AATK: variants seen among roughly 807,000 people sequenced by gnomAD.
AATK encodes lemur tail kinase 1.
In AATK, 91 loss-of-function variants were observed where a neutral mutation model predicts 114.3. The ratio of observed to expected loss-of-function variants is 0.80; its 90% CI spans 0.67 to 0.95. The LOEUF is 0.95. Among genes scored for constraint, AATK ranks in the 40% least tolerant of loss-of-function variants. The pLI is 0.00. For missense variants in AATK, 2,176 were observed against 1,965.2 expected (o/e 1.11, Z -2.03); for synonymous variants, 1,075 against 916.5 (o/e 1.17, Z -3.12).
chr17:81,124,904 A>AC, intron 8 of AATK, 26 bp downstream of exon 8: 1 of 1,137,504 alleles, frequency 8.8e-7, no homozygotes, highest in Non-Finnish European at 1.3e-6. Context: ...CCTCATGCCC[A>AC]GCCCAGCCCA....
At chr17:81,164,578 G>T (rs1207974187) in intron 1 of AATK, among the ~76,000 whole-genome samples, 4 of 152,260 alleles carry the variant, frequency 2.6e-5, no homozygotes, top group Non-Finnish European at 4.4e-5. Flanking sequence ...GCGGGGGAAA[G>T]GGCCTCTCAT....
intron 4 of AATK, among the ~76,000 whole-genome samples, chr17:81,128,112 G>A (rs72854181): frequency 0.32 from 48,484 of 151,730 alleles, 7,866 homozygotes; most frequent in Admixed American, 0.4. Context: ...TGAGTCTTTC[G>A]TGTTACTCTC....
intron 7 of AATK, among the ~76,000 whole-genome samples, chr17:81,125,628 G>C (rs1407985370): frequency 6.6e-6 from 1 of 152,144 alleles, no homozygotes; most frequent in Admixed American, 6.5e-5. Context: ...TGCCTGGCTG[G>C]TCACGTGGGT....
At position 81,119,464 on chromosome 17, in the gene AATK, A is replaced by AGGGAGCGGGCGTGGGCGT. The variant is rs1568216398; in HGVS notation, c.3982_3999dup (p.Thr1328_Pro1333dup). 8 of 1,499,978 alleles carry AGGGAGCGGGCGTGGGCGT rather than the reference A, an allele frequency of 5.3e-6. No homozygotes were observed. The highest frequency in any genetic ancestry group is 2.6e-5 in the East Asian group (1 of 38,498). 92.9% of individuals were successfully genotyped at this position (1,499,978 alleles called of 1,614,324 possible). ...GCGGGCGACACCGTGAAGCGCGAGA[A>AGGGAGCGGGCGTGGGCGT]GGGAGCGGGCGTGGGCGTGGGCGCA... On this transcript the variant is annotated inframe_insertion, in exon 13 of 14. Coordinates refer to ENST00000326724, the MANE Select transcript of AATK (RefSeq NM_001080395.3).
At chr17:81,140,665 G>GCTGTGAGC (rs2061109869) in intron 1 of AATK, among the ~76,000 whole-genome samples, 1 of 142,356 alleles carries the variant, frequency 7.0e-6, no homozygotes, top group Admixed American at 6.9e-5. Context: ...GGACCGTGGG[G>GCTGTGAGC]CCGTGGGGAC....
intron 1 of AATK, among the ~76,000 whole-genome samples, chr17:81,135,234 G>A (rs2060992229): frequency 6.6e-6 from 1 of 152,158 alleles, no homozygotes; most frequent in African/African-American, 2.4e-5. Flanking sequence ...AGCTGAGCCC[G>A]GCTTCCAAAT....
rs756174027 is a variant in AATK, at chr17:81,121,094, C to G, written c.2842G>C (p.Glu948Gln). 1 of 1,606,136 alleles carries G rather than the reference C, an allele frequency of 6.2e-7. No individual in the cohort carries two copies. The highest frequency in any genetic ancestry group is 8.5e-7 in the Non-Finnish European group (1 of 1,176,518). Reference sequence around the variant, plus strand: ...TCCTGCGCCTCCTTGAGCACAAACTCAGGGGACTCATAGTTCTCGGTGTCA... The same window carrying G: ...TCCTGCGCCTCCTTGAGCACAAACTGAGGGGACTCATAGTTCTCGGTGTCA... ...GYDTENYESP[E>Q]FVLKEAQEGC... The change falls in exon 11 of 14, where the codon GAG becomes CAG. Residue 948 changes from glutamate to glutamine, a missense_variant. This residue lies in a region of AATK where 1,701 missense variants were observed against 1,394.7 expected (regional missense o/e 1.22). Coordinates refer to ENST00000326724, the MANE Select transcript of AATK (RefSeq NM_001080395.3).
chr17:81,161,954 G>T (rs1487973000), intron 1 of AATK, among the ~76,000 whole-genome samples: 1 of 152,188 alleles, frequency 6.6e-6, no homozygotes, highest in African/African-American at 2.4e-5. Context: ...GCAGGGGCCG[G>T]TCCTCTGGGT....
chr17:81,163,467 G>C (rs1394738066), intron 1 of AATK, among the ~76,000 whole-genome samples: 3 of 152,240 alleles, frequency 2.0e-5, no homozygotes, highest in Non-Finnish European at 4.4e-5. Flanking sequence ...CCCAGAGCAA[G>C]ATTTCACATG....
intron 2 of AATK, chr17:81,132,598 G>T: frequency 4.4e-6 from 1 of 224,984 alleles, no homozygotes; most frequent in Non-Finnish European, 9.6e-6. Context: ...CTTTGTAGAG[G>T]GGCCCAGGAC....
At chr17:81,155,605 C>T (rs1305835604) in intron 1 of AATK, among the ~76,000 whole-genome samples, 3 of 152,064 alleles carry the variant, frequency 2.0e-5, no homozygotes, top group African/African-American at 4.8e-5. Flanking sequence ...AGGCTGGTCT[C>T]GAACTCCTGA....
rs543637892 is a variant in AATK at position 81,155,584 on chromosome 17, C to T, written c.55+10354G>A. ...TATTTTTAGTACAGACAGGGTTTCA[C>T]CATCTTGGCCAGGCTGGTCTCGAAC... On this transcript the variant is annotated intron_variant, in intron 1 of 13. Coordinates refer to ENST00000326724, the MANE Select transcript of AATK (RefSeq NM_001080395.3). 3.9e-5 allele frequency among the ~76,000 whole-genome samples: 6 copies of T among 151,998 alleles called. No homozygotes were observed. The South Asian group carries it at 6.2e-4, about 16-fold the overall frequency.
chr17:81,138,025 C>T (rs1044911567), intron 1 of AATK, among the ~76,000 whole-genome samples: 5 of 151,470 alleles, frequency 3.3e-5, no homozygotes, highest in African/African-American at 4.9e-5. Context: ...CCCACATGCA[C>T]GCAAACCCAC....
At position 81,159,380 on chromosome 17, in the gene AATK, C is replaced by G. The variant is rs556194281; in HGVS notation, c.55+6558G>C. On this transcript the variant is annotated intron_variant, in intron 1 of 13. Coordinates refer to ENST00000326724, the MANE Select transcript of AATK (RefSeq NM_001080395.3). ...CAGGTAGCAGTCCTGGGGGCAGTGG[C>G]GGGGACTCTCGGGGGCTGGGCGTGC... Among the ~76,000 whole-genome samples, 98 of 152,100 alleles carry G rather than the reference C, an allele frequency of 6.4e-4. 1 individual carries two copies. Among genetic ancestry groups the G allele is most frequent in the African/African-American group, 2.0e-3 (84 of 41,486 alleles).
rs2060835086 is a variant in AATK, at chr17:81,126,809, T to A, written c.622-249A>T. 2 of 1,344,864 alleles carry A rather than the reference T, an allele frequency of 1.5e-6. No individual in the cohort carries two copies. The highest frequency in any genetic ancestry group is 2.9e-5 in the African/African-American group (2 of 67,820). The allele number at this position is 1,344,864 out of a possible 1,614,324, so 83.3% of individuals were successfully genotyped here. A position where few individuals can be genotyped will look rare whatever the true frequency, so the allele number is the denominator to read the frequency against. On this transcript the variant is annotated intron_variant, in intron 6 of 13. Transcript: ENST00000326724. The surrounding 1 kb of genome is among the most constrained non-coding windows in gnomAD (Gnocchi z 5.1). ...CTCAGCCAGCCCCGGGCAGCAGGAG[T>A]CCCTTGGCCTGTGGTAGAGAGAGAA...
At chr17:81,119,144 GTGAGGGT>G (rs2060630812) in intron 13 of AATK, among the ~76,000 whole-genome samples, 2 of 14,948 alleles carry the variant, frequency 1.3e-4, no homozygotes, top group African/African-American at 3.9e-4. Context: ...TGAGGGCCAG[GTGAGGGT>G]CAGGTGAGGG....
At chr17:81,164,670 G>T (rs914891843) in intron 1 of AATK, among the ~76,000 whole-genome samples, 4 of 152,190 alleles carry the variant, frequency 2.6e-5, no homozygotes, top group Middle Eastern at 3.2e-3. Context: ...ACCAAGCACC[G>T]TGGGCCACGC....
intron 2 of AATK, 26 bp downstream of exon 2, chr17:81,134,341 AC>A: frequency 6.2e-7 from 1 of 1,611,530 alleles, no homozygotes; most frequent in Non-Finnish European, 8.5e-7. Context: ...GGATCCCACG[AC>A]AGCTCCCGCG....
chr17:81,148,983 G>A (rs1475505769), intron 1 of AATK, among the ~76,000 whole-genome samples: 1 of 152,164 alleles, frequency 6.6e-6, no homozygotes, highest in East Asian at 1.9e-4. Context: ...GACCGGGGGT[G>A]GAGGTGCCTT....
Sources: gnomAD v4.1 joint callset for allele counts (sites outside exome capture counted in the v4.1 genomes callset) on GRCh38, gnomAD v4.1.1 for gene constraint, gnomAD v4.1.1 regional missense constraint, Gnocchi (gnomAD v3.1) non-coding constraint, MANE v1.5 for transcripts, NCBI Gene and HGNC (gene_info 2026-07-23, HGNC 2026-07-21) for gene names.